The following DCHS2 variants were observed in gnomAD, a reference collection of about 807,000 sequenced individuals.
DCHS2 encodes the protein protocadherin-23.
Under a neutral mutation model 182.4 loss-of-function variants are expected in DCHS2, and 142 were observed. The ratio of observed to expected loss-of-function variants is 0.78; its 90% CI spans 0.68 to 0.89. DCHS2 has a LOEUF of 0.89. Among genes scored for constraint, DCHS2 ranks in the 40% least tolerant of loss-of-function variants. The pLI, the probability that DCHS2 is intolerant of heterozygous loss-of-function variation, is 0.00. For synonymous variants in DCHS2, 1,740 were observed against 1,663.3 expected, an observed-to-expected ratio of 1.05 and a Z score of -1.12; for missense variants, 4,319 against 4,198.6, an observed-to-expected ratio of 1.03 and a Z score of -0.79.
At chr4:154,390,249 A>G (rs866790835) in intron 1 of DCHS2, among the ~76,000 whole-genome samples, 2 of 137,498 alleles carry the variant, frequency 1.5e-5, no homozygotes, top group African/African-American at 2.7e-5. Flanking sequence ...ATATCTCCCA[A>G]TGCTATCCCT....
At chr4:154,242,047 C>T (rs961878856) in intron 17 of DCHS2, among the ~76,000 whole-genome samples, 12 of 152,234 alleles carry the variant, frequency 7.9e-5, no homozygotes, top group East Asian at 3.9e-4. Flanking sequence ...GTTTCCCCAA[C>T]GCAGCCATTG....
chr4:154,324,918 T>C (rs1245544694), intron 7 of DCHS2, among the ~76,000 whole-genome samples: 2 of 152,216 alleles, frequency 1.3e-5, no homozygotes, highest in African/African-American at 2.4e-5. Context: ...CATCTCATTA[T>C]TTTACCATAT....
At chr4:154,374,001 GCAAAAAA>G (rs1561074983) in intron 2 of DCHS2, 1 of 548,418 alleles carries the variant, frequency 1.8e-6, no homozygotes, top group Non-Finnish European at 2.4e-6. Flanking sequence ...TATTTTAATA[GCAAAAAA>G]AAAAAAAAAA....
Position 154,236,286 on chromosome 4 carries a change from C to A in DCHS2, c.8366G>T (p.Cys2789Phe). Residue 2789 changes from cysteine to phenylalanine, a missense_variant, in exon 20 of 20, where the codon TGC becomes TTC. Cys to Phe is a radical substitution (Grantham distance 205). Transcript: ENST00000357232. The stretch of plus-strand genomic sequence containing the variant: ...ATCAAAATCCAGAGCATTTATAGAG[C>A]ATATGGTAGAGGAAATAGGCAGATT... The part of the protein sequence containing the change: ...PENLPISSTI[C>F]SINALDFDAG... 1 of 1,613,988 alleles carries A rather than the reference C, an allele frequency of 6.2e-7. No individual in the cohort carries two copies. Among genetic ancestry groups the A allele is most frequent in the South Asian group, 1.1e-5 (1 of 91,074 alleles).
At chr4:154,265,518 C>T (rs1733206153) in intron 14 of DCHS2, among the ~76,000 whole-genome samples, 1 of 152,082 alleles carries the variant, frequency 6.6e-6, no homozygotes, top group Non-Finnish European at 1.5e-5. Flanking sequence ...GTGGCTCATG[C>T]CTATAATCCC....
intron 1 of DCHS2, among the ~76,000 whole-genome samples, chr4:154,469,701 C>T (rs996075643): frequency 1.3e-5 from 2 of 152,316 alleles, no homozygotes; most frequent in East Asian, 1.9e-4. Flanking sequence ...GTCCCTTGAC[C>T]ATAGCAAGCT....
chr4:154,263,686 G>GAAAAAAAAAAAA (rs200534854), intron 14 of DCHS2, among the ~76,000 whole-genome samples: 2 of 103,946 alleles, frequency 1.9e-5, no homozygotes, highest in Non-Finnish European at 2.1e-5. Context: ...GGCCATTATT[G>GAAAAAAAAAAAA]AAAAAAAAAA....
chr4:154,349,774 G>A (rs958731885), intron 3 of DCHS2, among the ~76,000 whole-genome samples: 2 of 152,120 alleles, frequency 1.3e-5, no homozygotes, highest in African/African-American at 4.8e-5. Flanking sequence ...GTATTTAAAC[G>A]TGTTGCTACG....
At chr4:154,334,823 G>T in intron 4 of DCHS2, 45 bp downstream of exon 4, 1 of 1,465,224 alleles carries the variant, frequency 6.8e-7, no homozygotes, top group Non-Finnish European at 9.5e-7. Context: ...AACAAGAAAT[G>T]TTCCAATAAT....
At position 154,490,555 on chromosome 4, in the gene DCHS2, C is replaced by G; in HGVS notation, c.801G>C (p.Glu267Asp). 1 of 1,541,528 alleles carries G rather than the reference C, an allele frequency of 6.5e-7. No individual in the cohort carries two copies. The highest frequency in any genetic ancestry group is 8.7e-7 in the Non-Finnish European group (1 of 1,146,224). ...EEAAAHRLQIEAWDGGRPRRT... is the reference protein window; with the variant it reads ...EEAAAHRLQIDAWDGGRPRRT... ...GCCGGGGTCGGCCGCCGTCCCATGC[C>G]TCGATCTGCAGCCGGTGCGCCGCCG... The change falls in exon 1 of 20, where the codon GAG becomes GAC. Residue 267 changes from glutamate (E) to aspartate (D), a missense_variant. Coordinates refer to ENST00000357232, the MANE Select transcript of DCHS2 (RefSeq NM_001358235.2).
intron 1 of DCHS2, among the ~76,000 whole-genome samples, chr4:154,446,658 G>A (rs532420370): frequency 1.8e-4 from 28 of 152,210 alleles, no homozygotes; most frequent in Non-Finnish European, 3.4e-4. Flanking sequence ...CGATCTGGCT[G>A]GAGTCCATGC....
intron 13 of DCHS2, among the ~76,000 whole-genome samples, chr4:154,274,280 A>C (rs1008049989): frequency 7.2e-5 from 11 of 151,814 alleles, no homozygotes; most frequent in Non-Finnish European, 1.5e-4. Flanking sequence ...ATGGGGAAAA[A>C]CCCCACTATA....
At chr4:154,281,834 T>C (rs965809414) in intron 13 of DCHS2, among the ~76,000 whole-genome samples, 1 of 152,226 alleles carries the variant, frequency 6.6e-6, no homozygotes, top group South Asian at 2.1e-4. Context: ...GACAGACATA[T>C]AGACTAATGG....
intron 1 of DCHS2, among the ~76,000 whole-genome samples, chr4:154,429,695 T>A (rs1474095307): frequency 6.6e-6 from 1 of 152,184 alleles, no homozygotes; most frequent in East Asian, 1.9e-4. Flanking sequence ...CATAAGTTTT[T>A]TTTTTTCTAT....
intron 13 of DCHS2, among the ~76,000 whole-genome samples, chr4:154,270,627 A>G (rs1265346526): frequency 6.6e-6 from 1 of 151,836 alleles, no homozygotes; most frequent in Admixed American, 6.6e-5. Flanking sequence ...TTTTAAAAAT[A>G]TCATACTAAG....
chr4:154,413,818 C>T (rs1270879322), intron 1 of DCHS2, among the ~76,000 whole-genome samples: 3 of 152,310 alleles, frequency 2.0e-5, no homozygotes, highest in African/African-American at 7.2e-5. Context: ...TTACTAACCC[C>T]AAAGCACTGC....
intron 10 of DCHS2, among the ~76,000 whole-genome samples, chr4:154,309,646 G>A (rs1327714191): frequency 6.6e-6 from 1 of 152,164 alleles, no homozygotes; most frequent in African/African-American, 2.4e-5. Context: ...CTTGGCACCA[G>A]AATTGGGTCT....
At chr4:154,290,846 C>T (rs1734626697) in intron 13 of DCHS2, among the ~76,000 whole-genome samples, 1 of 152,046 alleles carries the variant, frequency 6.6e-6, no homozygotes, top group Non-Finnish European at 1.5e-5. Context: ...TAAAAGAAAA[C>T]ATTGGGGAAA....
chr4:154,400,798 C>T (rs966054371), intron 1 of DCHS2, among the ~76,000 whole-genome samples: 17 of 152,196 alleles, frequency 1.1e-4, no homozygotes, highest in Admixed American at 9.8e-4. Context: ...TTTTTTTACC[C>T]TGTCCCCACC....
Sources: gnomAD v4.1 joint callset for allele counts (sites outside exome capture counted in the v4.1 genomes callset) on GRCh38, gnomAD v4.1.1 for gene constraint, MANE v1.5 for transcripts, NCBI Gene and HGNC (gene_info 2026-07-23, HGNC 2026-07-21) for gene names.